C1GALT1: variants seen among roughly 807,000 people sequenced by gnomAD.
The protein encoded by C1GALT1 is glycoprotein-N-acetylgalactosamine 3-beta-galactosyltransferase 1.
A neutral mutation model predicts 31.0 loss-of-function variants in C1GALT1; 11 were observed. That is an observed-to-expected ratio of 0.36 (90% CI 0.22 to 0.59). The LOEUF (loss-of-function observed/expected upper bound fraction) is 0.59. Ranked by LOEUF, C1GALT1 falls within the 20% of genes least tolerant of loss-of-function variation. C1GALT1 has a pLI of 0.79. For synonymous variants in C1GALT1, 175 were observed against 143.6 expected, an observed-to-expected ratio of 1.22 and a Z score of -1.56; for missense variants, 424 against 425.2, an observed-to-expected ratio of 1.00 and a Z score of 0.03.
At chr7:7,174,110 A>G (rs1371876168) in intron 2 of C1GALT1, among the ~76,000 whole-genome samples, 2 of 151,746 alleles carry the variant, frequency 1.3e-5, no homozygotes, top group African/African-American at 4.8e-5. Context: ...GTATGCTGAG[A>G]GACAGAAAGA....
chr7:7,238,743 T>G lies in C1GALT1; in HGVS notation c.709T>G (p.Ser237Ala), dbSNP rs1355089763. Residue 237 changes from serine to alanine, a missense_variant, in exon 3 of 4, where the codon TCC becomes GCC. This residue lies in a region of C1GALT1 where 191 missense variants were observed against 188.8 expected (regional missense o/e 1.01). Coordinates refer to ENST00000436587, the MANE Select transcript of C1GALT1 (RefSeq NM_020156.5). This position sits in a 1 kb window ranked among gnomAD's most constrained non-coding sequence, Gnocchi z 5.2. ...AACAGACAAGTGTACACATAGTTCCTCCATTGAAGACTTAGCACTGGGGAG... is the reference window on the plus strand; with the variant it reads ...AACAGACAAGTGTACACATAGTTCCGCCATTGAAGACTTAGCACTGGGGAG... ...FKTDKCTHSS[S>A]IEDLALGRCM... is the part of the protein sequence containing the mutation. 7 of 1,613,760 alleles carry G rather than the reference T, an allele frequency of 4.3e-6. No individual in the cohort carries two copies. In the Admixed American group the frequency reaches 1.2e-4, roughly 27 times the overall value.
At chr7:7,178,640 A>G (rs1281137369), upstream of C1GALT1, among the ~76,000 whole-genome samples, 1 of 152,216 alleles carries the variant, frequency 6.6e-6, no homozygotes, top group African/African-American at 2.4e-5. Context: ...AAGAGATCAA[A>G]AAACCCTTAG....
At position 7,189,805 on chromosome 7, in the gene C1GALT1, A is replaced by T. The variant is rs548897812; in HGVS notation, c.-18+6985A>T. On this transcript the variant is annotated intron_variant, in intron 1 of 3. Transcript: ENST00000436587. Reference sequence around the variant, plus strand: ...TATATTTTCTTCCAGTTTTGTTTTAATTCCATTTTCTAAAATACTGAAATC... The same window carrying T: ...TATATTTTCTTCCAGTTTTGTTTTATTTCCATTTTCTAAAATACTGAAATC... 3.3e-4 allele frequency among the ~76,000 whole-genome samples: 50 copies of T among 152,246 alleles called. 1 individual carries two copies. The South Asian group carries it at 7.9e-3, about 24-fold the overall frequency.
chr7:7,186,764 A>T (rs1205235432), intron 1 of C1GALT1, among the ~76,000 whole-genome samples: 1 of 152,182 alleles, frequency 6.6e-6, no homozygotes, highest in Non-Finnish European at 1.5e-5. Flanking sequence ...CGTTTGAGGA[A>T]TGACAAGCAG....
Position 7,234,446 on chromosome 7 carries a change from C to T in C1GALT1, c.127C>T (p.His43Tyr). 6.2e-7 allele frequency: 1 copy of T among 1,613,902 alleles called. No individual in the cohort carries two copies. Residue 43 changes from histidine (H) to tyrosine (Y), a missense_variant, in exon 2 of 4, where the codon CAT becomes TAT. By Grantham distance (83) the His-to-Tyr change is moderately conservative. This residue lies in a region of C1GALT1 where 189 missense variants were observed against 158.2 expected (regional missense o/e 1.19). Coordinates refer to ENST00000436587, the MANE Select transcript of C1GALT1 (RefSeq NM_020156.5). ...EKVDTQPNVL[H>Y]NDPHARHSDD... Reference sequence around the variant, plus strand: ...GGTTGACACCCAGCCTAATGTTCTTCATAATGATCCTCATGCAAGGCATTC... The same window carrying T: ...GGTTGACACCCAGCCTAATGTTCTTTATAATGATCCTCATGCAAGGCATTC...
intron 1 of C1GALT1, among the ~76,000 whole-genome samples, chr7:7,186,443 T>G (rs1362169931): frequency 2.6e-5 from 4 of 152,318 alleles, no homozygotes; most frequent in African/African-American, 4.8e-5. Flanking sequence ...ATCTGCAGCA[T>G]CATCATCACC....
chr7:7,186,324 A>G (rs549989016), intron 1 of C1GALT1, among the ~76,000 whole-genome samples: 3 of 152,216 alleles, frequency 2.0e-5, no homozygotes, highest in Admixed American at 6.5e-5. Flanking sequence ...GACCACAGCA[A>G]GTGCTTACTA....
At chr7:7,198,708 C>T (rs1002006589) in intron 1 of C1GALT1, among the ~76,000 whole-genome samples, 3 of 152,152 alleles carry the variant, frequency 2.0e-5, no homozygotes, top group Non-Finnish European at 2.9e-5. Flanking sequence ...GCCTCAATTT[C>T]AGAACCTGTT....
At chr7:7,159,322 A>T (rs1780307273) in intron 2 of C1GALT1, among the ~76,000 whole-genome samples, 1 of 152,170 alleles carries the variant, frequency 6.6e-6, no homozygotes. Context: ...AGATATAAAA[A>T]GTAGAACTAA....
At chr7:7,225,273 G>T (rs777750257) in intron 1 of C1GALT1, among the ~76,000 whole-genome samples, 3 of 152,026 alleles carry the variant, frequency 2.0e-5, no homozygotes, top group Admixed American at 6.6e-5. Flanking sequence ...TTGCTGTGCC[G>T]CTCTATTGTT....
chr7:7,186,840 A>G (rs1780836817), intron 1 of C1GALT1, among the ~76,000 whole-genome samples: 1 of 152,228 alleles, frequency 6.6e-6, no homozygotes, highest in Admixed American at 6.5e-5. Flanking sequence ...AAAACACCAA[A>G]TACTGGGGAG....
intron 1 of C1GALT1, among the ~76,000 whole-genome samples, chr7:7,204,367 A>G (rs1203414712): frequency 1.3e-5 from 2 of 151,916 alleles, no homozygotes; most frequent in Non-Finnish European, 2.9e-5. Flanking sequence ...GGTTGTTTAT[A>G]GTATCCTCTT....
At chr7:7,195,475 A>G (rs150693320) in intron 1 of C1GALT1, among the ~76,000 whole-genome samples, 3,592 of 152,144 alleles carry the variant, frequency 0.024, 124 homozygotes, top group African/African-American at 0.081. Flanking sequence ...ATGTATTTAC[A>G]TGGTTTTGAG....
At chr7:7,204,319 A>C (rs879727822) in intron 1 of C1GALT1, among the ~76,000 whole-genome samples, 3 of 151,906 alleles carry the variant, frequency 2.0e-5, no homozygotes, top group Non-Finnish European at 4.4e-5. Context: ...TGTTTCTCAC[A>C]GTTTTTCCTC....
intron 1 of C1GALT1, among the ~76,000 whole-genome samples, chr7:7,194,545 T>A (rs1411700011): frequency 6.6e-6 from 1 of 152,138 alleles, no homozygotes; most frequent in East Asian, 1.9e-4. Flanking sequence ...GTGTGTTATC[T>A]TTCTGATATG....
intron 2 of C1GALT1, among the ~76,000 whole-genome samples, chr7:7,171,584 A>T (rs928183543): frequency 6.6e-6 from 1 of 152,078 alleles, no homozygotes; most frequent in African/African-American, 2.4e-5. Flanking sequence ...TTTATATCTA[A>T]AATAATTACT....
At chr7:7,215,468 C>T (rs929180712) in intron 1 of C1GALT1, among the ~76,000 whole-genome samples, 5 of 134,400 alleles carry the variant, frequency 3.7e-5, no homozygotes, top group African/African-American at 1.6e-4. Flanking sequence ...CTTCTGGGTT[C>T]CCTTTCCCCC....
chr7:7,183,419 C>CT, intron 1 of C1GALT1, among the ~76,000 whole-genome samples: 3 of 152,278 alleles, frequency 2.0e-5, no homozygotes, highest in Non-Finnish European at 4.4e-5. Flanking sequence ...TGATTTATTT[C>CT]TTTAAGTTTC....
In C1GALT1 at chr7:7,232,701, G is replaced by A. The variant is rs1783145032; in HGVS notation, c.-17-1602G>A. Among the ~76,000 whole-genome samples the A allele has an allele frequency of 2.0e-5, 3 of 152,170 alleles. No individual in the cohort carries two copies. In the South Asian group the frequency reaches 6.2e-4, roughly 32 times the overall value. On this transcript the variant is annotated intron_variant, in intron 1 of 3. Coordinates refer to ENST00000436587, the MANE Select transcript of C1GALT1 (RefSeq NM_020156.5). ...GATGGGGTTTCACCATGTTGGCCAG[G>A]CTGGTCTTGAACTCCTGACCTCAGG...
Sources: gnomAD v4.1 joint callset for allele counts (sites outside exome capture counted in the v4.1 genomes callset) on GRCh38, gnomAD v4.1.1 for gene constraint, gnomAD v4.1.1 regional missense constraint, Gnocchi (gnomAD v3.1) non-coding constraint, MANE v1.5 for transcripts, NCBI Gene and HGNC (gene_info 2026-07-23, HGNC 2026-07-21) for gene names.